Variants in LRTM3 observed in about 807,000 individuals in gnomAD.
LRTM3 encodes leucine rich repeat transmembrane protein 3.
At chr13:102,750,617 A>C in the LRTM3 span, among the ~76,000 whole-genome samples, 2 of 152,192 alleles carry the variant, frequency 1.3e-5, no homozygotes, top group South Asian at 4.1e-4. Flanking sequence ...CAGAGACTAT[A>C]CCTCAGCATC....
the LRTM3 span, chr13:102,745,040 G>A: frequency 1.3e-6 from 2 of 1,550,838 alleles, no homozygotes; most frequent in Non-Finnish European, 1.7e-6. Flanking sequence ...GCCATTTTGG[G>A]TCTGGAGGCA....
the LRTM3 span, chr13:102,735,027 T>A: frequency 6.4e-7 from 1 of 1,551,212 alleles, no homozygotes; most frequent in Non-Finnish European, 8.7e-7. Flanking sequence ...AATATTGGTA[T>A]GCTTTCCTCC....
At chr13:102,756,204 A>G in the LRTM3 span, among the ~76,000 whole-genome samples, 106,053 of 149,636 alleles carry the variant, frequency 0.71, 39,021 homozygotes, top group South Asian at 0.84. Flanking sequence ...CGCCCACCTC[A>G]GCTTCCCAAA....
At chr13:102,749,863 C>T in the LRTM3 span, 4 of 1,551,312 alleles carry the variant, frequency 2.6e-6, no homozygotes, top group Non-Finnish European at 3.5e-6. Context: ...GATTCAAGGA[C>T]TCTTGAGATC....
chr13:102,734,518 G>C, the LRTM3 span: 23 of 1,551,310 alleles, frequency 1.5e-5, no homozygotes, highest in East Asian at 5.4e-4. Flanking sequence ...GGAGCATACA[G>C]GAACGAGGTG....
the LRTM3 span, chr13:102,748,308 T>G: frequency 2.6e-5 from 40 of 1,551,216 alleles, 1 homozygote; most frequent in South Asian, 4.5e-4. Context: ...TCCTTCAGAT[T>G]TACACTTTCT....
At chr13:102,729,831 T>C in the LRTM3 span, 1 of 1,551,892 alleles carries the variant, frequency 6.4e-7, no homozygotes, top group Non-Finnish European at 8.7e-7. Flanking sequence ...TCCCAATGAC[T>C]GCTGTTCTTC....
the LRTM3 span, chr13:102,743,708 G>A: frequency 1.9e-6 from 3 of 1,549,484 alleles, no homozygotes; most frequent in Non-Finnish European, 2.6e-6. Context: ...GTTGGATACA[G>A]TTTTTAAATA....
At chr13:102,741,253 A>T in the LRTM3 span, 1 of 1,550,324 alleles carries the variant, frequency 6.5e-7, no homozygotes, top group Non-Finnish European at 8.7e-7. Context: ...AAAGATTTTC[A>T]TTGAAACTTT....
the LRTM3 span, chr13:102,746,091 C>G: frequency 1.3e-6 from 2 of 1,551,068 alleles, no homozygotes; most frequent in Non-Finnish European, 1.7e-6. Context: ...AGTTCTTCAG[C>G]TTCTAAAGGA....
the LRTM3 span, chr13:102,744,480 T>C: frequency 6.4e-7 from 1 of 1,550,664 alleles, no homozygotes; most frequent in Non-Finnish European, 8.7e-7. Flanking sequence ...AGACCTTCCA[T>C]ACATTTTATT....
At chr13:102,743,080 C>T in the LRTM3 span, 2 of 1,550,242 alleles carry the variant, frequency 1.3e-6, no homozygotes, top group African/African-American at 1.4e-5. Flanking sequence ...GATGACGATC[C>T]TTTCTAAGAT....
the LRTM3 span, chr13:102,736,153 T>C: frequency 1.2e-5 from 19 of 1,545,258 alleles, no homozygotes; most frequent in East Asian, 9.8e-5. Flanking sequence ...CACCTGATGA[T>C]ATAGGAAGCT....
At chr13:102,755,933 A>G in the LRTM3 span, among the ~76,000 whole-genome samples, 34,231 of 87,334 alleles carry the variant, frequency 0.39, 4,803 homozygotes, top group South Asian at 0.48. Flanking sequence ...GTGTGTGTGT[A>G]TATATATACA....
chr13:102,732,719 AG>A, the LRTM3 span: 1 of 1,551,226 alleles, frequency 6.4e-7, no homozygotes, highest in Non-Finnish European at 8.7e-7. Flanking sequence ...CTCCTTCTCC[AG>A]ATTGGCAGTC....
chr13:102,752,796 G>A, the LRTM3 span, among the ~76,000 whole-genome samples: 4 of 152,150 alleles, frequency 2.6e-5, no homozygotes, highest in East Asian at 3.8e-4. Context: ...GGCTATTAAA[G>A]TTAAATGAGG....
chr13:102,742,117 A>G, the LRTM3 span: 1 of 1,550,478 alleles, frequency 6.4e-7, no homozygotes, highest in South Asian at 1.2e-5. Flanking sequence ...TTTTAATGCT[A>G]GACACACAGT....
chr13:102,733,911 T>G, the LRTM3 span: 2 of 1,551,264 alleles, frequency 1.3e-6, no homozygotes, highest in Non-Finnish European at 1.7e-6. Context: ...CTATTTGTTA[T>G]TTTCTGGGTA....
chr13:102,740,359 A>G, the LRTM3 span: 1 of 1,550,176 alleles, frequency 6.5e-7, no homozygotes, highest in Non-Finnish European at 8.7e-7. Flanking sequence ...TGCTTAGCTG[A>G]TCTGCAGAAA....
Sources: gnomAD v4.1 joint callset for allele counts (sites outside exome capture counted in the v4.1 genomes callset) on GRCh38, gnomAD v4.1.1 for gene constraint, MANE v1.5 for transcripts, NCBI Gene and HGNC (gene_info 2026-07-23, HGNC 2026-07-21) for gene names.